The following ZNF469 variants were observed in gnomAD, a reference collection of about 807,000 sequenced individuals.
The protein encoded by ZNF469 is zinc finger protein 469.
A neutral mutation model predicts 1.0 loss-of-function variants in ZNF469; 1 was observed. The ratio of observed to expected loss-of-function variants is 1.00; its 90% CI spans 0.35 to 4.73. ZNF469 has a LOEUF of 4.73. ZNF469 is among the 30% of genes most tolerant of loss of function. The probability of loss-of-function intolerance (pLI) is 0.16; values close to 1 mark genes in which losing one functional copy is unlikely to be tolerated. For synonymous variants in ZNF469, 2,703 were observed against 2,363.4 expected, an observed-to-expected ratio of 1.14 and a Z score of -4.17; for missense variants, 6,100 against 5,356.3, an observed-to-expected ratio of 1.14 and a Z score of -4.33.
chr16:88,143,663 G>A, the ZNF469 span, among the ~76,000 whole-genome samples: 1 of 152,238 alleles, frequency 6.6e-6, no homozygotes, highest in Non-Finnish European at 1.5e-5. Context: ...TCTGACGTCT[G>A]TCTCTTGCTG....
the ZNF469 span, among the ~76,000 whole-genome samples, chr16:88,134,097 CAATG>C: frequency 6.6e-6 from 1 of 150,634 alleles, no homozygotes; most frequent in East Asian, 1.9e-4. Context: ...GTCTCTGTCT[CAATG>C]AATGAATGAA....
At chr16:88,206,105 T>C in the ZNF469 span, among the ~76,000 whole-genome samples, 1 of 152,322 alleles carries the variant, frequency 6.6e-6, no homozygotes, top group South Asian at 2.1e-4. Context: ...GTGTTTTCCA[T>C]GATCTCTCAC....
At position 88,429,864 on chromosome 16, in the gene ZNF469, G is replaced by A. The variant is rs1172169587; in HGVS notation, c.2394G>A (p.Leu798=). The change falls in exon 3 of 3, where the codon CTG becomes CTA. Residue 798 remains leucine (L), a synonymous_variant. Coordinates refer to ENST00000565624, the MANE Select transcript of ZNF469 (RefSeq NM_001367624.2). ...TGCTCAGCCACGCGAAGACCTTCCT[G>A]TTAGCTGGGGACGCCCAGGCCGAGG... is the stretch of plus-strand genomic sequence containing the variant. ...AGLLSHAKTF[L]LAGDAQAEGK... is the part of the protein sequence containing the mutation. 7.1e-6 allele frequency: 11 copies of A among 1,549,898 alleles called. No individual in the cohort carries two copies. The highest frequency in any genetic ancestry group is 1.4e-5 in the African/African-American group (1 of 73,040).
the ZNF469 span, among the ~76,000 whole-genome samples, chr16:88,173,422 A>C: frequency 1.3e-5 from 2 of 152,298 alleles, no homozygotes; most frequent in African/African-American, 4.8e-5. Context: ...TATTTTATAC[A>C]AATAAAAACT....
At chr16:88,377,969 G>A (rs2092513547), upstream of ZNF469, among the ~76,000 whole-genome samples, 1 of 152,164 alleles carries the variant, frequency 6.6e-6, no homozygotes, top group African/African-American at 2.4e-5. Context: ...GTGAGAGGAA[G>A]CCTGACCCAG....
the ZNF469 span, among the ~76,000 whole-genome samples, chr16:88,271,699 G>A: frequency 6.6e-6 from 1 of 151,056 alleles, no homozygotes; most frequent in Admixed American, 6.6e-5. Flanking sequence ...CACCACAGCA[G>A]GCAGGTCCAA....
chr16:88,226,502 C>T, the ZNF469 span, among the ~76,000 whole-genome samples: 556 of 152,250 alleles, frequency 3.7e-3, 5 homozygotes, highest in African/African-American at 0.013. Context: ...CCTGCCCTCA[C>T]CTTGATGTTG....
At chr16:88,238,758 C>A in the ZNF469 span, among the ~76,000 whole-genome samples, 3 of 152,262 alleles carry the variant, frequency 2.0e-5, no homozygotes, top group African/African-American at 4.8e-5. Flanking sequence ...CGGAACCTGA[C>A]CCTGGGGCAG....
At chr16:88,282,269 G>T in the ZNF469 span, among the ~76,000 whole-genome samples, 1 of 152,200 alleles carries the variant, frequency 6.6e-6, no homozygotes, top group Non-Finnish European at 1.5e-5. Context: ...TGTGGATGGT[G>T]GTCGGAAGGC....
At chr16:88,183,697 C>G in the ZNF469 span, among the ~76,000 whole-genome samples, 5 of 152,160 alleles carry the variant, frequency 3.3e-5, no homozygotes, top group African/African-American at 1.2e-4. Flanking sequence ...GGACACTTAC[C>G]AAGTCGTCGG....
chr16:88,434,626 G>A lies in ZNF469; in HGVS notation c.7156G>A (p.Gly2386Arg), dbSNP rs12598474. 6 of 1,550,186 alleles carry A rather than the reference G, an allele frequency of 3.9e-6. No individual in the cohort carries two copies. Among genetic ancestry groups the A allele is most frequent in the South Asian group, 3.6e-5 (3 of 84,046 alleles). The change falls in exon 3 of 3, where the codon GGG becomes AGG. Residue 2386 changes from glycine to arginine, a missense_variant. By Grantham distance (125) the Gly-to-Arg change is moderately radical. Transcript: ENST00000565624. ...EPEDPGTPET[G>R]RSGATKMPRV... ...GGAGGACCCAGGGACCCCTGAGACC[G>A]GGCGCTCTGGTGCTACCAAGATGCC... is the stretch of plus-strand genomic sequence containing the variant.
chr16:88,307,897 A>G, the ZNF469 span, among the ~76,000 whole-genome samples: 3 of 152,208 alleles, frequency 2.0e-5, no homozygotes, highest in African/African-American at 7.2e-5. Context: ...GTCATATGTG[A>G]GAAATCATAG....
chr16:88,406,934 C>A (rs1228244070), intron 1 of ZNF469, among the ~76,000 whole-genome samples: 1 of 152,190 alleles, frequency 6.6e-6, no homozygotes. Flanking sequence ...CCTCGTGGGT[C>A]CCCCTCAGTG....
chr16:88,433,695 C>G lies in ZNF469; in HGVS notation c.6225C>G (p.Ser2075Arg). ...CGCTGGCCTTGACAGCAGCCCACAG[C>G]CGAAGTGGATCTGAGGGCCGGACTC... ...SLALALTAAH[S>R]RSGSEGRTPE... The change falls in exon 3 of 3, where the codon AGC (serine) becomes AGG (arginine). Residue 2075 changes from serine to arginine, a missense_variant. Coordinates refer to ENST00000565624, the MANE Select transcript of ZNF469 (RefSeq NM_001367624.2). 1 of 1,549,478 alleles carries G rather than the reference C, an allele frequency of 6.5e-7. No individual in the cohort carries two copies. The highest frequency in any genetic ancestry group is 8.7e-7 in the Non-Finnish European group (1 of 1,146,698).
the ZNF469 span, among the ~76,000 whole-genome samples, chr16:88,140,665 C>T: frequency 6.6e-6 from 1 of 152,216 alleles, no homozygotes; most frequent in Non-Finnish European, 1.5e-5. Flanking sequence ...GGCGCAGTGG[C>T]TCAGGCCTGT....
At chr16:88,382,433 G>A (rs1237506309), upstream of ZNF469, among the ~76,000 whole-genome samples, 1 of 152,244 alleles carries the variant, frequency 6.6e-6, no homozygotes, top group Admixed American at 6.5e-5. Flanking sequence ...TCCCAGGGCT[G>A]GACAAGGGAC....
the ZNF469 span, among the ~76,000 whole-genome samples, chr16:88,372,400 A>G: frequency 6.7e-6 from 1 of 149,386 alleles, no homozygotes; most frequent in African/African-American, 2.5e-5. Flanking sequence ...CATCACTACC[A>G]TCACCATCAT....
the ZNF469 span, among the ~76,000 whole-genome samples, chr16:88,124,474 C>G: frequency 2.0e-5 from 3 of 152,240 alleles, no homozygotes; most frequent in Non-Finnish European, 4.4e-5. Context: ...CCACCAGCCT[C>G]AACTTCCCAA....
At chr16:88,103,223 C>T in the ZNF469 span, among the ~76,000 whole-genome samples, 120 of 152,048 alleles carry the variant, frequency 7.9e-4, 1 homozygote, top group African/African-American at 2.6e-3. Flanking sequence ...CATGGCCTCT[C>T]GCCCAGTGTG....
Sources: gnomAD v4.1 joint callset for allele counts (sites outside exome capture counted in the v4.1 genomes callset) on GRCh38, gnomAD v4.1.1 for gene constraint, MANE v1.5 for transcripts, NCBI Gene and HGNC (gene_info 2026-07-23, HGNC 2026-07-21) for gene names.